INSL6: variants seen among roughly 807,000 people sequenced by gnomAD.
INSL6 encodes insulin-like peptide INSL6.
A neutral mutation model predicts 9.4 loss-of-function variants in INSL6; 16 were observed. The observed-to-expected ratio is 1.70, with a 90% CI of 1.15 to 2.59. INSL6 has a LOEUF of 2.59. Ranked by LOEUF, INSL6 falls within the 30% of genes most tolerant of loss-of-function variation. The pLI is 0.00. For synonymous variants in INSL6, 154 were observed against 96.9 expected, an observed-to-expected ratio of 1.59 and a Z score of -3.46; for missense variants, 391 against 257.3, an observed-to-expected ratio of 1.52 and a Z score of -3.56.
chr9:5,140,485 G>T (rs1824475408), intron 2 of INSL6, among the ~76,000 whole-genome samples: 1 of 151,952 alleles, frequency 6.6e-6, no homozygotes, highest in East Asian at 1.9e-4. Flanking sequence ...ATTTTGTGTT[G>T]TGATTATTAT....
At chr9:5,044,313 C>T in the INSL6 span, 1 of 781,804 alleles carries the variant, frequency 1.3e-6, no homozygotes, top group Admixed American at 2.1e-5. Context: ...GGGATAATAC[C>T]TTTCAGTATG....
chr9:5,090,867 A>G, the INSL6 span: 11 of 1,612,470 alleles, frequency 6.8e-6, no homozygotes, highest in Non-Finnish European at 9.3e-6. Context: ...CACAAGACAA[A>G]GAATACTATA....
At chr9:5,002,045 A>G in the INSL6 span, among the ~76,000 whole-genome samples, 5 of 151,994 alleles carry the variant, frequency 3.3e-5, no homozygotes, top group Non-Finnish European at 5.9e-5. Flanking sequence ...TATGGGGCAC[A>G]TATTGGTAAT....
chr9:5,161,978 C>G (rs531394966), downstream of INSL6, among the ~76,000 whole-genome samples: 1 of 151,950 alleles, frequency 6.6e-6, no homozygotes, highest in African/African-American at 2.4e-5. Context: ...ACTCAGGAGG[C>G]TGAGGTGGGA....
the INSL6 span, chr9:5,089,857 A>G: frequency 2.7e-6 from 4 of 1,490,610 alleles, no homozygotes; most frequent in Non-Finnish European, 3.6e-6. Flanking sequence ...AGTGTGCTAC[A>G]GTGCTGGTAA....
At chr9:5,067,515 T>C in the INSL6 span, among the ~76,000 whole-genome samples, 1 of 152,102 alleles carries the variant, frequency 6.6e-6, no homozygotes, top group Non-Finnish European at 1.5e-5. Context: ...ATTTGGCATA[T>C]GTAGAGGGTA....
intron 2 of INSL6, among the ~76,000 whole-genome samples, chr9:5,140,193 C>G (rs539404596): frequency 6.6e-6 from 1 of 152,078 alleles, no homozygotes; most frequent in African/African-American, 2.4e-5. Flanking sequence ...AGAATCAATA[C>G]TGCAAAACCA....
intron 2 of INSL6, among the ~76,000 whole-genome samples, chr9:5,153,707 G>C (rs547433836): frequency 6.6e-6 from 1 of 152,142 alleles, no homozygotes; most frequent in Non-Finnish European, 1.5e-5. Context: ...AATCATGAGT[G>C]AAGTCCCATT....
chr9:5,089,506 C>T, the INSL6 span, among the ~76,000 whole-genome samples: 1 of 135,960 alleles, frequency 7.4e-6, no homozygotes, highest in African/African-American at 2.9e-5. Flanking sequence ...CCACTGCACT[C>T]CAACCTGGGT....
At chr9:5,174,401 T>G (rs762901641) in intron 1 of INSL6, among the ~76,000 whole-genome samples, 1 of 152,220 alleles carries the variant, frequency 6.6e-6, no homozygotes, top group Non-Finnish European at 1.5e-5. Context: ...ACAAACATAT[T>G]GCTAAATTCA....
chr9:5,141,798 C>A (rs1824506599), intron 2 of INSL6, among the ~76,000 whole-genome samples: 2 of 152,146 alleles, frequency 1.3e-5, no homozygotes, highest in Non-Finnish European at 2.9e-5. Context: ...TTGCCCATGC[C>A]TATGTCCTGA....
chr9:5,177,407 T>C (rs1825334476), intron 1 of INSL6, among the ~76,000 whole-genome samples: 1 of 152,172 alleles, frequency 6.6e-6, no homozygotes, highest in South Asian at 2.1e-4. Flanking sequence ...ATCCCAGATC[T>C]TTGCAGATCA....
intron 3 of INSL6, among the ~76,000 whole-genome samples, chr9:5,130,779 A>T (rs1824260828): frequency 6.7e-6 from 1 of 148,178 alleles, no homozygotes; most frequent in Non-Finnish European, 1.5e-5. Flanking sequence ...CCCAGCCTGG[A>T]GTGCAGTGGC....
chr9:5,033,437 G>A, the INSL6 span, among the ~76,000 whole-genome samples: 2 of 152,150 alleles, frequency 1.3e-5, no homozygotes, highest in South Asian at 2.1e-4. Context: ...ACACATAATT[G>A]TCAGATTCAC....
At chr9:5,165,301 T>C (rs756204286) in intron 1 of INSL6, among the ~76,000 whole-genome samples, 18 of 152,204 alleles carry the variant, frequency 1.2e-4, no homozygotes, top group South Asian at 2.1e-4. Flanking sequence ...GGATGTAACC[T>C]AGGGATGGAA....
intron 2 of INSL6, among the ~76,000 whole-genome samples, chr9:5,134,452 GT>G (rs1328291015): frequency 1.3e-5 from 2 of 152,140 alleles, no homozygotes; most frequent in East Asian, 3.8e-4. Flanking sequence ...GAAAGGTCGG[GT>G]TACCCACAAA....
chr9:5,024,380 G>C, the INSL6 span, among the ~76,000 whole-genome samples: 1 of 151,976 alleles, frequency 6.6e-6, no homozygotes, highest in Non-Finnish European at 1.5e-5. Context: ...TAATAGAAAA[G>C]AACAAAAAAC....
chr9:5,153,959 T>C (rs776663108), intron 2 of INSL6, among the ~76,000 whole-genome samples: 12 of 152,158 alleles, frequency 7.9e-5, no homozygotes, highest in South Asian at 2.1e-4. Context: ...CTTCAGAGAA[T>C]TGGAAAAAAC....
At chr9:5,167,220 A>G (rs1825075151) in intron 1 of INSL6, among the ~76,000 whole-genome samples, 1 of 152,118 alleles carries the variant, frequency 6.6e-6, no homozygotes, top group Non-Finnish European at 1.5e-5. Flanking sequence ...CTCCCTGAAA[A>G]CCATGCTTTT....
Sources: gnomAD v4.1 joint callset for allele counts (sites outside exome capture counted in the v4.1 genomes callset) on GRCh38, gnomAD v4.1.1 for gene constraint, MANE v1.5 for transcripts, NCBI Gene and HGNC (gene_info 2026-07-23, HGNC 2026-07-21) for gene names.